FAT3: variants seen among roughly 807,000 people sequenced by gnomAD.
FAT3 encodes the protein protocadherin Fat 3.
In FAT3, 95 loss-of-function variants were observed where a neutral mutation model predicts 310.2. That is an observed-to-expected ratio of 0.31 (90% CI 0.26 to 0.36). The LOEUF (loss-of-function observed/expected upper bound fraction) is 0.36, where lower values mean the gene tolerates loss of function less well. Among genes scored for constraint, FAT3 ranks in the 10% least tolerant of loss-of-function variants. FAT3 has a pLI of 1.00. For synonymous variants in FAT3, 2,314 were observed against 2,192.9 expected, an observed-to-expected ratio of 1.06 and a Z score of -1.54; for missense variants, 5,408 against 5,715.6, an observed-to-expected ratio of 0.95 and a Z score of 1.74.
chr11:92,404,634 G>A (rs889552823), intron 2 of FAT3, among the ~76,000 whole-genome samples: 6 of 151,714 alleles, frequency 4.0e-5, no homozygotes, highest in African/African-American at 1.5e-4. Flanking sequence ...TCCCATGATG[G>A]CTAATTTTAT....
At chr11:92,400,756 T>G (rs527737910) in intron 2 of FAT3, 1 of 151,206 alleles carries the variant, frequency 6.6e-6, no homozygotes, top group African/African-American at 2.4e-5. Flanking sequence ...CATAATAAAG[T>G]TATGAAGTAA....
intron 3 of FAT3, among the ~76,000 whole-genome samples, chr11:92,620,868 T>A (rs898701049): frequency 3.3e-5 from 5 of 152,190 alleles, no homozygotes; most frequent in Non-Finnish European, 5.9e-5. Flanking sequence ...CCAGCAGATC[T>A]GGTGTCTGGA....
chr11:92,645,331 A>AT (rs1446969436), intron 3 of FAT3, among the ~76,000 whole-genome samples: 1 of 152,188 alleles, frequency 6.6e-6, no homozygotes, highest in Admixed American at 6.5e-5. Flanking sequence ...ACTGTCTGTA[A>AT]TTATTTTTTC....
chr11:92,226,316 G>A (rs997479884), intron 1 of FAT3, among the ~76,000 whole-genome samples: 8 of 152,068 alleles, frequency 5.3e-5, no homozygotes, highest in African/African-American at 1.9e-4. Context: ...TTTGTCACAT[G>A]TGCTTTCCGA....
chr11:92,393,778 A>C (rs1949799929), intron 2 of FAT3, among the ~76,000 whole-genome samples: 1 of 152,194 alleles, frequency 6.6e-6, no homozygotes, highest in African/African-American at 2.4e-5. Flanking sequence ...GCAGAATAGC[A>C]TGAAGGGCTT....
At chr11:92,271,156 C>G (rs1180572709) in intron 1 of FAT3, among the ~76,000 whole-genome samples, 2 of 152,094 alleles carry the variant, frequency 1.3e-5, no homozygotes, top group African/African-American at 4.8e-5. Flanking sequence ...GCCTCACTTC[C>G]TTGTGCCATA....
chr11:92,653,575 C>T (rs1942466012), intron 3 of FAT3, among the ~76,000 whole-genome samples: 1 of 152,154 alleles, frequency 6.6e-6, no homozygotes, highest in Non-Finnish European at 1.5e-5. Flanking sequence ...ATTCTGGGGA[C>T]ACCCAGAACT....
chr11:92,801,801 C>A lies in FAT3; in HGVS notation c.8788C>A (p.Arg2930=). The A allele has an allele frequency of 6.2e-7, 1 of 1,613,774 alleles. No individual in the cohort carries two copies. The highest frequency in any genetic ancestry group is 8.5e-7 in the Non-Finnish European group (1 of 1,179,826). ...NAPVFAQEVY[R]GNVKESDPPG... Reference sequence around the variant, plus strand: ...ACCAGTCTTCGCGCAGGAAGTGTACCGAGGGAATGTGAAGGAGAGCGACCC... The same window carrying A: ...ACCAGTCTTCGCGCAGGAAGTGTACAGAGGGAATGTGAAGGAGAGCGACCC... Residue 2930 remains arginine (R), a synonymous_variant, in exon 10 of 28, where the codon CGA becomes AGA. Transcript: ENST00000525166.
chr11:92,339,298 C>A (rs1948177223), intron 1 of FAT3, among the ~76,000 whole-genome samples: 1 of 152,108 alleles, frequency 6.6e-6, no homozygotes, highest in Non-Finnish European at 1.5e-5. Context: ...TGCCAAATGT[C>A]CCATGGGGGT....
intron 19 of FAT3, among the ~76,000 whole-genome samples, chr11:92,847,748 G>A (rs1948725088): frequency 6.6e-6 from 1 of 152,168 alleles, no homozygotes; most frequent in African/African-American, 2.4e-5. Context: ...TTCCTCCAGG[G>A]GCAGGAGCAG....
At position 92,353,872 on chromosome 11, in the gene FAT3, T is replaced by C. The variant is rs1948644285; in HGVS notation, c.1760T>C (p.Ile587Thr). Residue 587 changes from isoleucine to threonine, a missense_variant, in exon 2 of 28, where the codon ATT becomes ACT. Around this residue, in one of 5 missense-constraint regions of FAT3, gnomAD observed 4,588 missense variants for 4,809.8 expected, o/e 0.95. Transcript: ENST00000525166. ...GAAAAAGTGGCTTGCCAGGGAGTTATTTCATATGACTTTCCAGTTGGTGGT... is the reference window on the plus strand; with the variant it reads ...GAAAAAGTGGCTTGCCAGGGAGTTACTTCATATGACTTTCCAGTTGGTGGT... ...LFEKVACQGV[I>T]SYDFPVGGHI... 6.2e-7 allele frequency: 1 copy of C among 1,613,448 alleles called. No individual in the cohort carries two copies. Among genetic ancestry groups the C allele is most frequent in the Non-Finnish European group, 8.5e-7 (1 of 1,179,688 alleles).
Position 92,747,874 on chromosome 11 carries a change from C to T in FAT3, c.3670-13982C>T, listed in dbSNP as rs183004629. Among the ~76,000 whole-genome samples the T allele has an allele frequency of 3.7e-4, 57 of 152,292 alleles. 1 individual carries two copies. The highest frequency in any genetic ancestry group is 3.4e-3 in the Middle Eastern group (1 of 294). ...TCAGCCTGGACTTTATTGTCCATAT[C>T]GCCATCAGCATTTTGGTCAAACCCA... On this transcript the variant is annotated intron_variant, in intron 4 of 27. Coordinates refer to ENST00000525166, the MANE Select transcript of FAT3 (RefSeq NM_001367949.2).
At chr11:92,226,862 C>G (rs1373992252) in intron 1 of FAT3, among the ~76,000 whole-genome samples, 1 of 152,140 alleles carries the variant, frequency 6.6e-6, no homozygotes, top group Non-Finnish European at 1.5e-5. Context: ...GACGCTGGGA[C>G]CGCGGTAATG....
intron 4 of FAT3, among the ~76,000 whole-genome samples, chr11:92,705,593 T>TG (rs1210707295): frequency 8.8e-3 from 1 of 114 alleles, no homozygotes; most frequent in Non-Finnish European, 0.017. Context: ...GGTGGTGTGA[T>TG]GTGGTGGTGT....
At chr11:92,377,583 A>G (rs1444746901) in intron 2 of FAT3, among the ~76,000 whole-genome samples, 1 of 152,250 alleles carries the variant, frequency 6.6e-6, no homozygotes, top group Non-Finnish European at 1.5e-5. Flanking sequence ...ATGTGGTTGT[A>G]TAGGCTCAGC....
At chr11:92,853,595 G>T (rs565059023) in intron 19 of FAT3, among the ~76,000 whole-genome samples, 1 of 152,166 alleles carries the variant, frequency 6.6e-6, no homozygotes, top group Non-Finnish European at 1.5e-5. Flanking sequence ...TGGAAGGTGA[G>T]CAAGGTGGAG....
chr11:92,675,127 G>A (rs568531963), intron 3 of FAT3, among the ~76,000 whole-genome samples: 2 of 152,226 alleles, frequency 1.3e-5, no homozygotes, highest in African/African-American at 4.8e-5. Context: ...TAATTCTCAA[G>A]CAGGAAGCAT....
chr11:92,268,916 T>C (rs1271479395), intron 1 of FAT3, among the ~76,000 whole-genome samples: 2 of 146,554 alleles, frequency 1.4e-5, no homozygotes, highest in Non-Finnish European at 3.0e-5. Flanking sequence ...GAGACTATGG[T>C]TTGAAGCTAT....
chr11:92,279,239 A>C (rs999075746), intron 1 of FAT3, among the ~76,000 whole-genome samples: 2 of 152,022 alleles, frequency 1.3e-5, no homozygotes, highest in Non-Finnish European at 2.9e-5. Context: ...GGAGTGATCA[A>C]CCCCAGTGTG....
Sources: allele counts gnomAD v4.1 joint callset (sites outside exome capture counted in the v4.1 genomes callset), GRCh38; gene constraint gnomAD v4.1.1; regional missense constraint gnomAD v4.1.1; transcripts MANE v1.5; gene names NCBI Gene and HGNC (gene_info 2026-07-23, HGNC 2026-07-21).